The following CREB5 variants were observed in gnomAD, a reference collection of about 807,000 sequenced individuals.
CREB5 encodes the protein cyclic AMP-responsive element-binding protein 5.
CREB5 carries 19 observed loss-of-function variants against 57.1 expected under a neutral mutation model. The observed-to-expected ratio is 0.33, with a 90% CI of 0.23 to 0.49. The LOEUF (loss-of-function observed/expected upper bound fraction) is 0.49. CREB5 is among the 20% of genes least tolerant of loss of function. The pLI is 0.99. For missense variants in CREB5, 579 were observed against 671.6 expected (o/e 0.86, Z 1.52); for synonymous variants, 238 against 238.3 (o/e 1.00, Z 0.01).
chr7:28,317,551 A>T (rs1027735791), intron 1 of CREB5, among the ~76,000 whole-genome samples: 2 of 152,216 alleles, frequency 1.3e-5, no homozygotes, highest in African/African-American at 2.4e-5. Flanking sequence ...AAAGCAATGG[A>T]TTTGCATTTA....
intron 6 of CREB5, among the ~76,000 whole-genome samples, chr7:28,723,865 T>C (rs1803183430): frequency 6.6e-6 from 1 of 152,202 alleles, no homozygotes; most frequent in African/African-American, 2.4e-5. Context: ...AGTTTTCCTA[T>C]AGCTTTTGTA....
At chr7:28,708,102 GAT>G (rs1448744168) in intron 5 of CREB5, among the ~76,000 whole-genome samples, 3 of 152,314 alleles carry the variant, frequency 2.0e-5, no homozygotes, top group Middle Eastern at 3.4e-3. Flanking sequence ...CGGTGATTGA[GAT>G]AGAGCCTGAA....
Position 28,823,359 on chromosome 7 carries a change from A to G in CREB5, c.*4080A>G, listed in dbSNP as rs1809889566. On this transcript the variant is annotated 3_prime_UTR_variant, in exon 11 of 11. Coordinates refer to ENST00000357727, the MANE Select transcript of CREB5 (RefSeq NM_182898.4). ...TATAAGATATTTATTAATAAATGTTATTTTTAAACATTCCATTTGAACAGT... is the reference window on the plus strand; with the variant it reads ...TATAAGATATTTATTAATAAATGTTGTTTTTAAACATTCCATTTGAACAGT... The G allele has an allele frequency of 6.6e-6, 1 of 152,602 alleles. No homozygotes were observed. The highest frequency in any genetic ancestry group is 2.4e-5 in the African/African-American group (1 of 41,452). The allele number at this position is 152,602 out of a possible 1,614,324, so 9.5% of individuals were successfully genotyped here.
At chr7:28,495,404 T>C (rs1444550680) in intron 3 of CREB5, among the ~76,000 whole-genome samples, 1 of 151,932 alleles carries the variant, frequency 6.6e-6, no homozygotes, top group Non-Finnish European at 1.5e-5. Flanking sequence ...TAGCCGGGCA[T>C]GGTGGGATGC....
intron 1 of CREB5, among the ~76,000 whole-genome samples, chr7:28,350,249 C>T (rs1786161145): frequency 6.6e-6 from 1 of 152,182 alleles, no homozygotes; most frequent in African/African-American, 2.4e-5. Context: ...CAACACCCTC[C>T]AACGTGTTCC....
At chr7:28,818,742 T>C (rs538876535) in intron 10 of CREB5, 3 of 463,682 alleles carry the variant, frequency 6.5e-6, no homozygotes, top group African/African-American at 5.9e-5. Context: ...GGTCAATTTA[T>C]TTTCAAATAA....
At chr7:28,388,394 T>G (rs1260703856) in intron 1 of CREB5, among the ~76,000 whole-genome samples, 2 of 152,232 alleles carry the variant, frequency 1.3e-5, no homozygotes, top group Admixed American at 1.3e-4. Flanking sequence ...TTCCCCATCT[T>G]GCTTAGGCCT....
intron 4 of CREB5, among the ~76,000 whole-genome samples, chr7:28,541,642 A>G (rs930293451): frequency 1.3e-5 from 2 of 152,194 alleles, no homozygotes; most frequent in African/African-American, 4.8e-5. Flanking sequence ...CTCCAGCAAC[A>G]GAGTAAAACC....
intron 4 of CREB5, among the ~76,000 whole-genome samples, chr7:28,521,177 A>AGT (rs10538692): frequency 9.2e-5 from 14 of 151,744 alleles, no homozygotes; most frequent in Non-Finnish European, 1.8e-4. Context: ...CGTGTGTATA[A>AGT]GTGTGTGTGT....
At chr7:28,352,054 T>G (rs149443225) in intron 1 of CREB5, among the ~76,000 whole-genome samples, 184 of 152,374 alleles carry the variant, frequency 1.2e-3, no homozygotes, top group African/African-American at 4.1e-3. Context: ...ATTTGAGGCT[T>G]AATATTCTGT....
intron 1 of CREB5, among the ~76,000 whole-genome samples, chr7:28,375,721 A>T (rs1786809673): frequency 6.6e-6 from 1 of 151,978 alleles, no homozygotes; most frequent in South Asian, 2.1e-4. Flanking sequence ...TACTGTTCAA[A>T]ATGGACCACT....
chr7:28,399,692 A>T (rs1241602840), intron 1 of CREB5, among the ~76,000 whole-genome samples: 1 of 152,164 alleles, frequency 6.6e-6, no homozygotes, highest in Non-Finnish European at 1.5e-5. Flanking sequence ...GAGTAGGAGG[A>T]TTGCTTGAGC....
intron 1 of CREB5, among the ~76,000 whole-genome samples, chr7:28,326,379 C>A (rs1050935313): frequency 6.6e-6 from 1 of 152,150 alleles, no homozygotes; most frequent in Non-Finnish European, 1.5e-5. Context: ...TAAGTCCCTC[C>A]ATATGTAGCC....
intron 1 of CREB5, among the ~76,000 whole-genome samples, chr7:28,364,263 T>C (rs899408321): frequency 1.3e-5 from 2 of 152,198 alleles, no homozygotes; most frequent in African/African-American, 4.8e-5. Flanking sequence ...GATCATATGA[T>C]TTTTGCACAA....
intron 7 of CREB5, among the ~76,000 whole-genome samples, chr7:28,730,477 G>T (rs1184133158): frequency 3.3e-5 from 5 of 151,922 alleles, no homozygotes; most frequent in Non-Finnish European, 7.4e-5. Flanking sequence ...GAGCCACCAC[G>T]CTTGGCCCAG....
At position 28,391,753 on chromosome 7, in the gene CREB5, C is replaced by G. The variant is rs141905836; in HGVS notation, c.-25+92312C>G. On this transcript the variant is annotated intron_variant, in intron 1 of 9. Coordinates refer to the CREB5 transcript ENST00000396299. ...TCAGAACAACAAATCAATCTTCCAT[C>G]TCTGTCTCCTTTTTCCTTTTCTATT... Among the ~76,000 whole-genome samples, 1,305 of 152,308 alleles carry G rather than the reference C, an allele frequency of 8.6e-3. 8 individuals are homozygous for G. The highest frequency in any genetic ancestry group is 0.013 in the Non-Finnish European group (909 of 68,022).
chr7:28,336,656 G>T (rs967267880), intron 1 of CREB5, among the ~76,000 whole-genome samples: 1 of 151,588 alleles, frequency 6.6e-6, no homozygotes, highest in Non-Finnish European at 1.5e-5. Context: ...TCATTTCATT[G>T]ATCTTTTGTA....
intron 4 of CREB5, among the ~76,000 whole-genome samples, chr7:28,515,224 GA>G (rs1350064383): frequency 2.0e-5 from 3 of 152,192 alleles, no homozygotes; most frequent in African/African-American, 7.2e-5. Flanking sequence ...GAAATGCAGA[GA>G]AATAAACTGT....
chr7:28,793,014 G>A (rs559947621), intron 7 of CREB5, among the ~76,000 whole-genome samples: 1 of 152,232 alleles, frequency 6.6e-6, no homozygotes, highest in South Asian at 2.1e-4. Context: ...CGATGACTTT[G>A]GACCACTAAT....
Sources: gnomAD v4.1 joint callset for allele counts (sites outside exome capture counted in the v4.1 genomes callset) on GRCh38, gnomAD v4.1.1 for gene constraint, MANE v1.5 for transcripts, NCBI Gene and HGNC (gene_info 2026-07-23, HGNC 2026-07-21) for gene names.